RASAL2: variants seen among roughly 807,000 people sequenced by gnomAD.
RASAL2 encodes ras GTPase-activating protein nGAP.
A neutral mutation model predicts 128.9 loss-of-function variants in RASAL2; 58 were observed. The ratio of observed to expected loss-of-function variants is 0.45; its 90% CI spans 0.36 to 0.56. RASAL2 has a LOEUF of 0.56. RASAL2 is among the 20% of genes least tolerant of loss of function. The pLI is 0.00. For missense variants in RASAL2, 1,360 were observed against 1,601.6 expected (o/e 0.85, Z 2.57); for synonymous variants, 561 against 580.8 (o/e 0.97, Z 0.49).
At chr1:178,240,487 G>A (rs1664451793) in intron 1 of RASAL2, among the ~76,000 whole-genome samples, 1 of 151,250 alleles carries the variant, frequency 6.6e-6, no homozygotes, top group Admixed American at 6.6e-5. Flanking sequence ...CTTAGCCTTA[G>A]ACTTTATTTT....
At chr1:178,182,118 A>G (rs1662136258) in intron 1 of RASAL2, among the ~76,000 whole-genome samples, 1 of 151,970 alleles carries the variant, frequency 6.6e-6, no homozygotes, top group African/African-American at 2.4e-5. Flanking sequence ...TACCCCATTT[A>G]TTTATTTATT....
At chr1:178,364,755 G>A (rs545599913) in intron 3 of RASAL2, among the ~76,000 whole-genome samples, 1 of 152,154 alleles carries the variant, frequency 6.6e-6, no homozygotes, top group South Asian at 2.1e-4. Flanking sequence ...AAAAGTGATA[G>A]GCTCCAAGAA....
intron 5 of RASAL2, among the ~76,000 whole-genome samples, chr1:178,428,515 A>G (rs1454990328): frequency 6.9e-6 from 1 of 145,342 alleles, no homozygotes; most frequent in Admixed American, 7.0e-5. Context: ...TTCATCTGTG[A>G]TAGCTTTAAA....
chr1:178,395,278 T>C (rs1428933857), intron 4 of RASAL2, among the ~76,000 whole-genome samples: 2 of 152,212 alleles, frequency 1.3e-5, no homozygotes, highest in African/African-American at 4.8e-5. Context: ...CAGCTAGGGT[T>C]GTAAGCCATT....
At chr1:178,180,091 A>G (rs1009767886) in intron 1 of RASAL2, among the ~76,000 whole-genome samples, 1 of 152,180 alleles carries the variant, frequency 6.6e-6, no homozygotes, top group Non-Finnish European at 1.5e-5. Context: ...AATCTACAGT[A>G]TAATCCTGTC....
chr1:178,354,744 C>T (rs1366352671), intron 3 of RASAL2, among the ~76,000 whole-genome samples: 1 of 152,094 alleles, frequency 6.6e-6, no homozygotes, highest in Admixed American at 6.5e-5. Flanking sequence ...AGGAGTAAAT[C>T]TTTTAAAAGA....
At chr1:178,225,012 G>A (rs755197119) in intron 1 of RASAL2, among the ~76,000 whole-genome samples, 1 of 152,102 alleles carries the variant, frequency 6.6e-6, no homozygotes, top group Non-Finnish European at 1.5e-5. Flanking sequence ...GCTAATTTAA[G>A]CAGGTCATGG....
At chr1:178,320,906 C>G (rs1668739716) in intron 3 of RASAL2, among the ~76,000 whole-genome samples, 1 of 152,118 alleles carries the variant, frequency 6.6e-6, no homozygotes, top group Non-Finnish European at 1.5e-5. Context: ...TGAGTTATTC[C>G]CAGTTAAGCT....
At chr1:178,225,769 A>G (rs1187430931) in intron 1 of RASAL2, among the ~76,000 whole-genome samples, 1 of 151,636 alleles carries the variant, frequency 6.6e-6, no homozygotes, top group Non-Finnish European at 1.5e-5. Context: ...ACATACATAT[A>G]TATATATATA....
chr1:178,452,458 G>A lies in RASAL2; in HGVS notation c.1815G>A (p.Lys605=), dbSNP rs550598661. 1,127 of 1,614,082 alleles carry A rather than the reference G, an allele frequency of 7.0e-4. 15 individuals carry two copies. The South Asian group carries it at 0.011, about 16-fold the overall frequency. ...TGAAAGAAGTGTTTGCATCATGGAA[G>A]CAGCAGTGCCTGAACCGTGGCAAGC... ...RELKEVFASW[K]QQCLNRGKQD... is the part of the protein sequence containing the mutation. Residue 605 remains lysine, a synonymous_variant, in exon 11 of 18, where the codon AAG becomes AAA. Transcript: ENST00000367649.
At chr1:178,450,403 A>G (rs1268337675) in intron 9 of RASAL2, among the ~76,000 whole-genome samples, 4 of 152,078 alleles carry the variant, frequency 2.6e-5, no homozygotes, top group East Asian at 3.9e-4. Flanking sequence ...TCTGACCTCA[A>G]TGCCTTTAAT....
At chr1:178,365,437 TTA>T (rs1671346990) in intron 3 of RASAL2, among the ~76,000 whole-genome samples, 1 of 113,880 alleles carries the variant, frequency 8.8e-6, no homozygotes, top group East Asian at 2.4e-4. Flanking sequence ...GCCTGTTATG[TTA>T]TGTTATGTTA....
At chr1:178,229,771 GC>G (rs1663927556) in intron 1 of RASAL2, among the ~76,000 whole-genome samples, 1 of 152,112 alleles carries the variant, frequency 6.6e-6, no homozygotes, top group Non-Finnish European at 1.5e-5. Context: ...AAGCAAATCT[GC>G]TAACTAGATA....
chr1:178,383,735 G>C (rs1245475129), intron 3 of RASAL2, among the ~76,000 whole-genome samples: 1 of 152,162 alleles, frequency 6.6e-6, no homozygotes, highest in Non-Finnish European at 1.5e-5. Context: ...TCCTATGGAA[G>C]AAGAACCCTC....
At chr1:178,115,005 G>A (rs185572210) in intron 1 of RASAL2, among the ~76,000 whole-genome samples, 11 of 152,198 alleles carry the variant, frequency 7.2e-5, no homozygotes, top group East Asian at 3.9e-4. Context: ...TGCTGACTTC[G>A]TAGTATACAT....
At chr1:178,438,657 G>T (rs942408491) in intron 5 of RASAL2, among the ~76,000 whole-genome samples, 7 of 151,914 alleles carry the variant, frequency 4.6e-5, no homozygotes, top group Admixed American at 1.3e-4. Flanking sequence ...AACAAAATCA[G>T]CCAGGATGAC....
At chr1:178,252,333 C>T (rs976935204) in intron 1 of RASAL2, among the ~76,000 whole-genome samples, 1 of 151,934 alleles carries the variant, frequency 6.6e-6, no homozygotes, top group Non-Finnish European at 1.5e-5. Context: ...TCTCACTATT[C>T]ACTTATACTA....
At chr1:178,426,542 A>G (rs368820669) in intron 5 of RASAL2, among the ~76,000 whole-genome samples, 207 of 152,278 alleles carry the variant, frequency 1.4e-3, no homozygotes, top group African/African-American at 4.8e-3. Flanking sequence ...CATGTATAAG[A>G]AATGAAAATG....
chr1:178,447,393 G>T (rs1677078824), intron 9 of RASAL2, among the ~76,000 whole-genome samples: 1 of 151,920 alleles, frequency 6.6e-6, no homozygotes, highest in African/African-American at 2.4e-5. Context: ...GCCATTGTAG[G>T]CTGGGCGCGG....
Sources: allele counts gnomAD v4.1 joint callset (sites outside exome capture counted in the v4.1 genomes callset), GRCh38; gene constraint gnomAD v4.1.1; transcripts MANE v1.5; gene names NCBI Gene and HGNC (gene_info 2026-07-23, HGNC 2026-07-21).